Variants in L3MBTL4 observed in about 807,000 individuals in gnomAD.
L3MBTL4 encodes the protein lethal(3)malignant brain tumor-like protein 4.
Under a neutral mutation model 84.5 loss-of-function variants are expected in L3MBTL4, and 70 were observed. The ratio of observed to expected loss-of-function variants is 0.83; its 90% confidence interval spans 0.68 to 1.01. The LOEUF is 1.01. L3MBTL4 is among the 50% of genes least tolerant of loss of function. L3MBTL4 has a pLI of 0.00. For synonymous variants in L3MBTL4, 274 were observed against 259.8 expected (o/e 1.05, Z -0.52); for missense variants, 715 against 754.8 (o/e 0.95, Z 0.62).
At chr18:6,330,930 A>T (rs1024839169) in intron 1 of L3MBTL4, among the ~76,000 whole-genome samples, 2 of 152,226 alleles carry the variant, frequency 1.3e-5, no homozygotes, top group East Asian at 3.8e-4. Context: ...GGTGCAACAC[A>T]ATACACTAGG....
intron 1 of L3MBTL4, among the ~76,000 whole-genome samples, chr18:6,407,972 G>A (rs1349764891): frequency 1.3e-5 from 2 of 152,090 alleles, no homozygotes; most frequent in East Asian, 1.9e-4. Flanking sequence ...CACAAGAAAA[G>A]CAGACACAAA....
At chr18:6,156,034 TAAAGC>T (rs1274827812) in intron 13 of L3MBTL4, among the ~76,000 whole-genome samples, 1 of 152,166 alleles carries the variant, frequency 6.6e-6, no homozygotes, top group Non-Finnish European at 1.5e-5. Context: ...AGCTTGTCCT[TAAAGC>T]AACACAGATA....
chr18:6,068,642 C>T (rs2057476509), intron 16 of L3MBTL4, among the ~76,000 whole-genome samples: 1 of 152,174 alleles, frequency 6.6e-6, no homozygotes, highest in Admixed American at 6.5e-5. Flanking sequence ...TCCTGGAAGG[C>T]CATCTATATG....
At chr18:6,228,437 G>T (rs997975536) in intron 10 of L3MBTL4, among the ~76,000 whole-genome samples, 2 of 151,990 alleles carry the variant, frequency 1.3e-5, no homozygotes, top group Non-Finnish European at 2.9e-5. Flanking sequence ...GAACAATATT[G>T]TTCAGAAAAT....
intron 16 of L3MBTL4, among the ~76,000 whole-genome samples, chr18:5,982,054 T>C (rs1190566880): frequency 6.7e-6 from 1 of 150,198 alleles, no homozygotes; most frequent in South Asian, 2.1e-4. Context: ...CTTGAAATGT[T>C]TAAATGGCAG....
intron 10 of L3MBTL4, among the ~76,000 whole-genome samples, chr18:6,233,591 T>A (rs1339929985): frequency 6.6e-6 from 1 of 151,392 alleles, no homozygotes; most frequent in Non-Finnish European, 1.5e-5. Flanking sequence ...ATAAAATACC[T>A]AGGAATCCAA....
At chr18:6,183,621 T>C (rs1195390323) in intron 12 of L3MBTL4, among the ~76,000 whole-genome samples, 1 of 152,182 alleles carries the variant, frequency 6.6e-6, no homozygotes, top group Non-Finnish European at 1.5e-5. Flanking sequence ...CTGTTTACAA[T>C]AAAGAAGACA....
At chr18:6,135,422 A>T (rs1045369702) in intron 14 of L3MBTL4, among the ~76,000 whole-genome samples, 5 of 152,188 alleles carry the variant, frequency 3.3e-5, no homozygotes, top group Admixed American at 6.5e-5. Flanking sequence ...CTACTGCATC[A>T]TCAGGCTGCA....
At chr18:6,040,211 T>A (rs1440054021) in intron 16 of L3MBTL4, among the ~76,000 whole-genome samples, 1 of 152,172 alleles carries the variant, frequency 6.6e-6, no homozygotes, top group Non-Finnish European at 1.5e-5. Flanking sequence ...CTTTTAAAAA[T>A]TCAACACAAG....
intron 12 of L3MBTL4, among the ~76,000 whole-genome samples, chr18:6,184,993 A>G (rs1296496156): frequency 6.6e-6 from 1 of 152,228 alleles, no homozygotes; most frequent in Non-Finnish European, 1.5e-5. Context: ...TGGCTATGTC[A>G]TCGCCAGATG....
At chr18:6,378,782 G>C (rs2054477638) in intron 1 of L3MBTL4, among the ~76,000 whole-genome samples, 1 of 152,196 alleles carries the variant, frequency 6.6e-6, no homozygotes, top group Non-Finnish European at 1.5e-5. Context: ...TTTTTGCCTA[G>C]GATTGTCTTG....
At chr18:6,243,931 C>A (rs1647427326) in intron 6 of L3MBTL4, among the ~76,000 whole-genome samples, 1 of 152,108 alleles carries the variant, frequency 6.6e-6, no homozygotes, top group South Asian at 2.1e-4. Context: ...TGTGGTACAA[C>A]TTTAATAGCT....
At chr18:6,400,544 G>A (rs2055467339) in intron 1 of L3MBTL4, among the ~76,000 whole-genome samples, 1 of 152,098 alleles carries the variant, frequency 6.6e-6, no homozygotes, top group African/African-American at 2.4e-5. Context: ...CAAATAGCTG[G>A]GACTACAGGC....
chr18:5,969,700 A>G, intron 16 of L3MBTL4, 138 bp from the exon 17 acceptor site: 3 of 760,944 alleles, frequency 3.9e-6, no homozygotes, highest in Non-Finnish European at 6.2e-6. Flanking sequence ...CTGATCGTAC[A>G]GCATCACCCC....
At chr18:6,010,734 T>A (rs953350343) in intron 16 of L3MBTL4, among the ~76,000 whole-genome samples, 4 of 152,206 alleles carry the variant, frequency 2.6e-5, no homozygotes, top group African/African-American at 7.2e-5. Context: ...TTATTTATTT[T>A]TTTAAAAAAA....
intron 3 of L3MBTL4, 56 bp from the exon 4 acceptor site, chr18:6,302,013 T>C: frequency 1.5e-6 from 2 of 1,323,578 alleles, no homozygotes; most frequent in Non-Finnish European, 2.2e-6. Context: ...TTGGAAACAC[T>C]GAAAACTAAT....
intron 1 of L3MBTL4, among the ~76,000 whole-genome samples, chr18:6,376,974 C>T (rs930747): frequency 0.1 from 15,578 of 152,110 alleles, 874 homozygotes; most frequent in Non-Finnish European, 0.14. Context: ...ACATTAGTAA[C>T]GCTGACTATC....
At chr18:6,012,039 T>C (rs1396760328) in intron 16 of L3MBTL4, among the ~76,000 whole-genome samples, 1 of 152,170 alleles carries the variant, frequency 6.6e-6, no homozygotes, top group Non-Finnish European at 1.5e-5. Flanking sequence ...TCCTTAAAAA[T>C]AAAATCTGAA....
At chr18:5,987,364 C>G (rs955846028) in intron 16 of L3MBTL4, among the ~76,000 whole-genome samples, 1 of 152,218 alleles carries the variant, frequency 6.6e-6, no homozygotes, top group South Asian at 2.1e-4. Context: ...TTGCACTGTC[C>G]CCTCCCTCAC....
Sources: allele counts gnomAD v4.1 joint callset (sites outside exome capture counted in the v4.1 genomes callset), GRCh38; gene constraint gnomAD v4.1.1; transcripts MANE v1.5; gene names NCBI Gene and HGNC (gene_info 2026-07-23, HGNC 2026-07-21).